The following PDS5A variants were observed in gnomAD, a reference collection of about 807,000 sequenced individuals.
PDS5A encodes the protein PDS5 cohesin associated factor A, also known as sister chromatid cohesion protein PDS5 homolog A.
A neutral mutation model predicts 167.1 loss-of-function variants in PDS5A; 42 were observed. The observed-to-expected ratio is 0.25, with a 90% CI of 0.20 to 0.33. The LOEUF is 0.33. Among genes scored for constraint, PDS5A ranks in the 10% least tolerant of loss-of-function variants. The pLI is 1.00. For missense variants in PDS5A, 1,033 were observed against 1,605.9 expected, an observed-to-expected ratio of 0.64 and a Z score of 6.10; for synonymous variants, 553 against 554.6, an observed-to-expected ratio of 1.00 and a Z score of 0.04.
rs767136352 is a variant in PDS5A at position 39,844,840 on chromosome 4, G to A, written c.3403-39C>T. The A allele has an allele frequency of 3.2e-6, 5 of 1,564,584 alleles. No homozygotes were observed. In the African/African-American group the frequency reaches 4.1e-5, roughly 13 times the overall value. On this transcript the variant is annotated intron_variant, in intron 29 of 32. Coordinates refer to ENST00000303538, the MANE Select transcript of PDS5A (RefSeq NM_001100399.2). ...CAAAAAACCCCCCAAAAACACACAC[G>A]TTTATACCTTACCATGTATACATGT...
intron 2 of PDS5A, among the ~76,000 whole-genome samples, chr4:39,938,271 T>C (rs749940414): frequency 2.0e-5 from 3 of 152,198 alleles, no homozygotes; most frequent in African/African-American, 4.8e-5. Flanking sequence ...TTAATGTGTC[T>C]GGGCCGGGCA....
chr4:39,910,481 G>A (rs1328378868), intron 9 of PDS5A, 143 bp from the exon 10 acceptor site: 5 of 571,218 alleles, frequency 8.8e-6, no homozygotes, highest in Non-Finnish European at 1.6e-5. Context: ...TCTGAAGGAA[G>A]AATATAAAGT....
intron 22 of PDS5A, 130 bp downstream of exon 22, chr4:39,869,264 A>G: frequency 1.5e-6 from 1 of 676,762 alleles, no homozygotes; most frequent in South Asian, 1.8e-5. Context: ...TGAGCCCAGG[A>G]GTTCAAGACC....
intron 10 of PDS5A, 22 bp downstream of exon 10, chr4:39,910,222 T>G: frequency 8.2e-7 from 1 of 1,217,402 alleles, no homozygotes; most frequent in Non-Finnish European, 1.2e-6. Flanking sequence ...TGCTAATATG[T>G]GTAATAAACC....
At chr4:39,872,433 G>A (rs1025844615) in intron 21 of PDS5A, among the ~76,000 whole-genome samples, 2 of 152,078 alleles carry the variant, frequency 1.3e-5, no homozygotes, top group African/African-American at 4.8e-5. Flanking sequence ...GAGAGGCCAA[G>A]GCGGACGGAT....
chr4:39,890,388 C>A, intron 16 of PDS5A, 24 bp from the exon 17 acceptor site: 3 of 1,235,316 alleles, frequency 2.4e-6, no homozygotes, highest in South Asian at 1.3e-5. Flanking sequence ...GGAGTTTTAC[C>A]AAAAACGTGA....
intron 31 of PDS5A, among the ~76,000 whole-genome samples, chr4:39,841,673 C>T (rs1020227805): frequency 1.2e-4 from 19 of 152,048 alleles, no homozygotes; most frequent in Admixed American, 2.0e-4. Context: ...CACCACGCCC[C>T]GGTAATTTTT....
rs3775078 is a variant in PDS5A, at chr4:39,823,138, A to G, written c.*2347T>C. ...AAAGGGTTAACATTAATTCTCAAAT[A>G]TAAGTCTGCACTTTTGTGTTGTAGT... On this transcript the variant is annotated 3_prime_UTR_variant, in exon 33 of 33. Coordinates refer to ENST00000303538, the MANE Select transcript of PDS5A (RefSeq NM_001100399.2). 0.049 allele frequency: 7,458 copies of G among 152,722 alleles called. 282 individuals carry two copies. The highest frequency in any genetic ancestry group is 0.22 in the East Asian group (1,136 of 5,184). The allele number at this position is 152,722 out of a possible 1,614,324, so 9.5% of individuals were successfully genotyped here. A position where few individuals can be genotyped will look rare whatever the true frequency, so the allele number is the denominator to read the frequency against.
At chr4:39,971,237 CA>C in intron 2 of PDS5A, among the ~76,000 whole-genome samples, 1 of 152,142 alleles carries the variant, frequency 6.6e-6, no homozygotes, top group Non-Finnish European at 1.5e-5. Context: ...TGGCTTACTG[CA>C]AGCTCCGCCT....
chr4:39,934,030 A>T (rs1395737045), intron 2 of PDS5A, among the ~76,000 whole-genome samples: 1 of 152,216 alleles, frequency 6.6e-6, no homozygotes, highest in Non-Finnish European at 1.5e-5. Flanking sequence ...GGCTGTTAGT[A>T]TTGTGAAGAT....
intron 9 of PDS5A, among the ~76,000 whole-genome samples, chr4:39,913,232 C>T (rs1196625991): frequency 1.3e-5 from 2 of 151,868 alleles, no homozygotes; most frequent in African/African-American, 2.4e-5. Flanking sequence ...TTCCAGGTGC[C>T]GGTCACCACC....
At chr4:39,873,976 C>A (rs567038985) in intron 20 of PDS5A, among the ~76,000 whole-genome samples, 80 of 152,222 alleles carry the variant, frequency 5.3e-4, no homozygotes, top group African/African-American at 1.9e-3. Context: ...CCTAGGAATT[C>A]GGGGCTGCAG....
intron 26 of PDS5A, among the ~76,000 whole-genome samples, chr4:39,858,995 T>C (rs1358502147): frequency 6.6e-6 from 1 of 152,202 alleles, no homozygotes; most frequent in Non-Finnish European, 1.5e-5. Flanking sequence ...TGAAAACTTT[T>C]GTGCATCAAA....
chr4:39,905,540 A>G (rs1237146661), intron 11 of PDS5A, among the ~76,000 whole-genome samples: 1 of 152,204 alleles, frequency 6.6e-6, no homozygotes, highest in Non-Finnish European at 1.5e-5. Flanking sequence ...CCTGGGCGAC[A>G]GAGTGAGACT....
chr4:39,972,433 T>G (rs1341622127), intron 2 of PDS5A, among the ~76,000 whole-genome samples: 2 of 152,098 alleles, frequency 1.3e-5, no homozygotes, highest in Non-Finnish European at 2.9e-5. Flanking sequence ...GGCAGGAGAA[T>G]CGCTTGAACC....
At chr4:39,973,041 A>ATT in intron 2 of PDS5A, 2 of 325,212 alleles carry the variant, frequency 6.1e-6, no homozygotes, top group Non-Finnish European at 1.2e-5. Flanking sequence ...ATATTTTGCA[A>ATT]TTTTTTTTTC....
intron 2 of PDS5A, among the ~76,000 whole-genome samples, chr4:39,948,399 T>A (rs1727998668): frequency 6.9e-6 from 1 of 144,438 alleles, no homozygotes; most frequent in African/African-American, 2.6e-5. Context: ...CTCACTGCAT[T>A]ACTGCAACCT....
Position 39,823,481 on chromosome 4 carries a change from A to G in PDS5A, c.*2004T>C, listed in dbSNP as rs1715026563. On this transcript the variant is annotated 3_prime_UTR_variant, in exon 33 of 33. Coordinates refer to ENST00000303538, the MANE Select transcript of PDS5A (RefSeq NM_001100399.2). ...ATCTAGTAAACTGTGATGCCGGGCA[A>G]TTAATCAAAGGGAGGAAGAGACAAA... 6.6e-6 allele frequency: 1 copy of G among 152,640 alleles called. No homozygotes were observed. Among genetic ancestry groups the G allele is most frequent in the Non-Finnish European group, 1.5e-5 (1 of 68,038 alleles). 9.5% of individuals were successfully genotyped at this position (152,640 alleles called of 1,614,324 possible).
chr4:39,923,533 G>A (rs919387854), intron 5 of PDS5A, among the ~76,000 whole-genome samples: 1 of 151,504 alleles, frequency 6.6e-6, no homozygotes, highest in African/African-American at 2.4e-5. Flanking sequence ...CTACTCAGAA[G>A]GCTGACATGG....
Sources: allele counts gnomAD v4.1 joint callset (sites outside exome capture counted in the v4.1 genomes callset), GRCh38; gene constraint gnomAD v4.1.1; transcripts MANE v1.5; gene names NCBI Gene and HGNC (gene_info 2026-07-23, HGNC 2026-07-21).